Variants in ARHGEF28 observed in about 807,000 individuals in gnomAD.
The protein encoded by ARHGEF28 is 190 kDa guanine nucleotide exchange factor.
A neutral mutation model predicts 206.6 loss-of-function variants in ARHGEF28; 152 were observed. The ratio of observed to expected loss-of-function variants is 0.74; its 90% CI spans 0.64 to 0.84. The LOEUF (loss-of-function observed/expected upper bound fraction) is 0.84, where lower values mean the gene tolerates loss of function less well. Among genes scored for constraint, ARHGEF28 ranks in the 40% least tolerant of loss-of-function variants. The probability of loss-of-function intolerance (pLI) is 0.00; values close to 1 mark genes in which losing one functional copy is unlikely to be tolerated. For missense variants in ARHGEF28, 2,028 were observed against 2,073.2 expected, an observed-to-expected ratio of 0.98 and a Z score of 0.42; for synonymous variants, 763 against 776.4, an observed-to-expected ratio of 0.98 and a Z score of 0.29.
chr5:73,750,818 G>A (rs908122206), intron 3 of ARHGEF28, among the ~76,000 whole-genome samples: 4 of 151,994 alleles, frequency 2.6e-5, no homozygotes, highest in African/African-American at 9.7e-5. Flanking sequence ...CTTTTAATTT[G>A]TATCATAAAG....
intron 29 of ARHGEF28, among the ~76,000 whole-genome samples, chr5:73,896,113 T>G (rs918798181): frequency 1.3e-5 from 2 of 152,126 alleles, no homozygotes; most frequent in Admixed American, 1.3e-4. Context: ...GAACTTTGGA[T>G]AGTTATCTAT....
At chr5:73,858,337 A>C (rs1360310727) in intron 16 of ARHGEF28, 118 bp downstream of exon 16, 9 of 1,306,520 alleles carry the variant, frequency 6.9e-6, no homozygotes, top group Non-Finnish European at 7.2e-6. Flanking sequence ...CATATGACTG[A>C]ACCGTTTACC....
intron 35 of ARHGEF28, among the ~76,000 whole-genome samples, chr5:73,923,730 T>G (rs934432973): frequency 6.6e-6 from 1 of 152,186 alleles, no homozygotes. Flanking sequence ...ACAGGACTTC[T>G]GGTGGTGACT....
chr5:73,791,204 G>T (rs1240579330), intron 7 of ARHGEF28, among the ~76,000 whole-genome samples: 1 of 152,210 alleles, frequency 6.6e-6, no homozygotes, highest in African/African-American at 2.4e-5. Context: ...TGGTGCTGGG[G>T]ATACAAGGGT....
intron 4 of ARHGEF28, among the ~76,000 whole-genome samples, chr5:73,772,576 A>G (rs991525615): frequency 5.3e-5 from 8 of 151,920 alleles, no homozygotes; most frequent in Non-Finnish European, 8.8e-5. Flanking sequence ...AGTGGGTTTT[A>G]CCACATTCAC....
chr5:73,860,829 A>G (rs538183284), intron 16 of ARHGEF28, among the ~76,000 whole-genome samples: 178 of 152,212 alleles, frequency 1.2e-3, no homozygotes, highest in Admixed American at 2.5e-3. Context: ...CTCATCTGGA[A>G]CTGCTCATTA....
chr5:73,933,231 A>G (rs1764233094), intron 35 of ARHGEF28, among the ~76,000 whole-genome samples: 1 of 152,236 alleles, frequency 6.6e-6, no homozygotes, highest in Non-Finnish European at 1.5e-5. Context: ...GATACACTGA[A>G]GCTATAAAAT....
At chr5:73,762,567 A>G (rs1242160635) in intron 4 of ARHGEF28, among the ~76,000 whole-genome samples, 1 of 152,094 alleles carries the variant, frequency 6.6e-6, no homozygotes, top group Non-Finnish European at 1.5e-5. Flanking sequence ...AGTTTATAAT[A>G]GGAGATACAG....
At chr5:73,710,848 G>A (rs1045442161) in intron 2 of ARHGEF28, among the ~76,000 whole-genome samples, 1 of 152,040 alleles carries the variant, frequency 6.6e-6, no homozygotes, top group Non-Finnish European at 1.5e-5. Flanking sequence ...GACTACAGGT[G>A]TGTACCACCC....
chr5:73,703,674 T>TGTGTGTG (rs1748736944), intron 2 of ARHGEF28, among the ~76,000 whole-genome samples: 1 of 151,564 alleles, frequency 6.6e-6, no homozygotes, highest in African/African-American at 2.4e-5. Flanking sequence ...TGTGTGTGTG[T>TGTGTGTG]TATGAGTTTT....
intron 22 of ARHGEF28, among the ~76,000 whole-genome samples, chr5:73,873,458 G>A (rs527300895): frequency 5.3e-5 from 8 of 152,198 alleles, no homozygotes; most frequent in African/African-American, 1.9e-4. Context: ...CTGGAACAGT[G>A]CATGATATTA....
intron 2 of ARHGEF28, among the ~76,000 whole-genome samples, chr5:73,721,321 C>T (rs535889742): frequency 2.0e-5 from 3 of 152,252 alleles, no homozygotes; most frequent in South Asian, 2.1e-4. Context: ...TCAACCTTCT[C>T]GCTTTTACCA....
At chr5:73,712,612 T>G (rs1293846595) in intron 2 of ARHGEF28, among the ~76,000 whole-genome samples, 1 of 152,212 alleles carries the variant, frequency 6.6e-6, no homozygotes, top group Non-Finnish European at 1.5e-5. Context: ...TTGCATAGAA[T>G]TTTGCATGCA....
At chr5:73,733,185 A>G (rs1750714657) in intron 2 of ARHGEF28, among the ~76,000 whole-genome samples, 1 of 152,172 alleles carries the variant, frequency 6.6e-6, no homozygotes, top group African/African-American at 2.4e-5. Flanking sequence ...TATCATTTTT[A>G]TGCTTTTGTA....
intron 2 of ARHGEF28, among the ~76,000 whole-genome samples, chr5:73,714,331 T>C (rs1011183931): frequency 6.6e-6 from 1 of 152,192 alleles, no homozygotes; most frequent in African/African-American, 2.4e-5. Context: ...GACTGAGCTC[T>C]TTCTGTTGGA....
chr5:73,916,783 G>A (rs1354574429), intron 35 of ARHGEF28, among the ~76,000 whole-genome samples: 1 of 152,140 alleles, frequency 6.6e-6, no homozygotes, highest in East Asian at 1.9e-4. Flanking sequence ...TAGGTGTCAT[G>A]AAAGCCTTAA....
chr5:73,902,888 T>C (rs1363316012), intron 31 of ARHGEF28: 1 of 152,136 alleles, frequency 6.6e-6, no homozygotes, highest in Non-Finnish European at 1.5e-5. Context: ...CTCTGTGCCA[T>C]ATGGTCTTAC....
At chr5:73,812,576 G>T (rs1374693025) in intron 9 of ARHGEF28, among the ~76,000 whole-genome samples, 1 of 152,140 alleles carries the variant, frequency 6.6e-6, no homozygotes, top group African/African-American at 2.4e-5. Context: ...ATATCTATGT[G>T]CCTATAGGAA....
At chr5:73,698,250 T>A (rs1344996074) in intron 2 of ARHGEF28, among the ~76,000 whole-genome samples, 3 of 152,178 alleles carry the variant, frequency 2.0e-5, no homozygotes, top group Non-Finnish European at 4.4e-5. Flanking sequence ...GAAAGCCAGC[T>A]TAACAAATTG....
Sources: allele counts gnomAD v4.1 joint callset (sites outside exome capture counted in the v4.1 genomes callset), GRCh38; gene constraint gnomAD v4.1.1; transcripts MANE v1.5; gene names NCBI Gene and HGNC (gene_info 2026-07-23, HGNC 2026-07-21).